LARP1: variants seen among roughly 807,000 people sequenced by gnomAD.
LARP1 encodes La ribonucleoprotein 1, translational regulator.
A neutral mutation model predicts 122.7 loss-of-function variants in LARP1; 36 were observed. The observed-to-expected ratio is 0.29, with a 90% CI of 0.22 to 0.39. The LOEUF (loss-of-function observed/expected upper bound fraction) is 0.39. LARP1 is among the 10% of genes least tolerant of loss of function. LARP1 has a pLI of 1.00. For missense variants in LARP1, 1,040 were observed against 1,403.6 expected, an observed-to-expected ratio of 0.74 and a Z score of 4.14; for synonymous variants, 539 against 528.7, an observed-to-expected ratio of 1.02 and a Z score of -0.27.
At chr5:154,774,909 AG>A (rs1395078452) in intron 1 of LARP1, among the ~76,000 whole-genome samples, 7 of 152,196 alleles carry the variant, frequency 4.6e-5, no homozygotes, top group Admixed American at 3.3e-4. Flanking sequence ...TAGGATTTGT[AG>A]GCTTTGTTTC....
At chr5:154,760,756 CA>C (rs974290069) in intron 1 of LARP1, among the ~76,000 whole-genome samples, 17 of 152,184 alleles carry the variant, frequency 1.1e-4, no homozygotes, top group African/African-American at 3.9e-4. Context: ...TTCTACAAGA[CA>C]CACTATTTCC....
chr5:154,715,470 C>T (rs1229557107), intron 1 of LARP1, among the ~76,000 whole-genome samples: 4 of 151,866 alleles, frequency 2.6e-5, no homozygotes, highest in Non-Finnish European at 2.9e-5. Flanking sequence ...CTTGAACTCC[C>T]GACCTCAGGT....
upstream of LARP1, chr5:154,712,775 C>T (rs563302139): frequency 6.1e-6 from 4 of 651,968 alleles, no homozygotes; most frequent in Middle Eastern, 4.1e-4. Context: ...CAATGAGCTG[C>T]CGTCGCTCTC....
At chr5:154,716,323 G>A (rs1755504745) in intron 1 of LARP1, among the ~76,000 whole-genome samples, 1 of 152,120 alleles carries the variant, frequency 6.6e-6, no homozygotes, top group Non-Finnish European at 1.5e-5. Context: ...GTTTTGCCGT[G>A]TTGGCCAGGC....
At position 154,799,907 on chromosome 5, in the gene LARP1, A is replaced by G; in HGVS notation, c.1581A>G (p.Pro527=). 5.6e-6 allele frequency: 9 copies of G among 1,614,188 alleles called. No individual in the cohort carries two copies. Among genetic ancestry groups the G allele is most frequent in the Non-Finnish European group, 7.6e-6 (9 of 1,180,012 alleles). The change falls in exon 10 of 19, where the codon CCA becomes CCG. Residue 527 remains proline, a synonymous_variant. Transcript: ENST00000518297. ...CTGGCTCTCCTCGTGCAGTCACCCC[A>G]GTGCCAACCAAAACAGAGGAGGTCA... is the stretch of plus-strand genomic sequence containing the variant. The part of the protein sequence containing the change: ...SAPGSPRAVT[P]VPTKTEEVSN...
At chr5:154,711,089 G>A (rs1198986182), upstream of LARP1, among the ~76,000 whole-genome samples, 1 of 151,590 alleles carries the variant, frequency 6.6e-6, no homozygotes, top group Non-Finnish European at 1.5e-5. Flanking sequence ...CTGGAATTTT[G>A]AAGACTACTA....
intron 1 of LARP1, chr5:154,718,577 C>T (rs1755657348): frequency 6.6e-6 from 1 of 152,258 alleles, no homozygotes; most frequent in East Asian, 1.9e-4. Flanking sequence ...AAACTTAATA[C>T]AGACACCTGA....
chr5:154,723,795 C>T (rs772505892), intron 1 of LARP1, among the ~76,000 whole-genome samples: 15 of 152,164 alleles, frequency 9.9e-5, no homozygotes, highest in Admixed American at 8.5e-4. Flanking sequence ...TATTTGGATT[C>T]TGTGCTCTTA....
intron 1 of LARP1, among the ~76,000 whole-genome samples, chr5:154,691,569 G>A (rs1043089768): frequency 6.6e-6 from 1 of 152,308 alleles, no homozygotes; most frequent in East Asian, 1.9e-4. Flanking sequence ...TCGTTGAAAA[G>A]GCTCCGGGAT....
At chr5:154,735,834 G>A (rs1408522751) in intron 1 of LARP1, among the ~76,000 whole-genome samples, 2 of 151,858 alleles carry the variant, frequency 1.3e-5, no homozygotes, top group Non-Finnish European at 2.9e-5. Context: ...GCCTCCTAAA[G>A]TGCTGGGATT....
At chr5:154,749,355 A>G (rs1045221265) in intron 1 of LARP1, among the ~76,000 whole-genome samples, 5 of 152,154 alleles carry the variant, frequency 3.3e-5, no homozygotes, top group African/African-American at 1.2e-4. Flanking sequence ...TGAGTGTGTT[A>G]AAAGTTATTT....
chr5:154,808,685 G>A (rs1051522172), intron 16 of LARP1, 82 bp downstream of exon 16: 9 of 1,434,118 alleles, frequency 6.3e-6, no homozygotes, highest in South Asian at 1.4e-5. Flanking sequence ...CAGAACTGTA[G>A]TTGGAAATTC....
intron 1 of LARP1, chr5:154,786,405 G>C (rs986221434): frequency 8.8e-6 from 4 of 453,488 alleles, no homozygotes; most frequent in Non-Finnish European, 8.9e-6. Flanking sequence ...CCTGGAACTA[G>C]AATTACCAGA....
At chr5:154,796,456 C>T (rs1173592519) in intron 8 of LARP1, among the ~76,000 whole-genome samples, 1 of 151,880 alleles carries the variant, frequency 6.6e-6, no homozygotes, top group African/African-American at 2.4e-5. Flanking sequence ...GTTGTACATC[C>T]TGTAGGATTT....
chr5:154,779,043 T>G (rs1246098840), intron 1 of LARP1, among the ~76,000 whole-genome samples: 3 of 152,132 alleles, frequency 2.0e-5, no homozygotes, highest in South Asian at 2.1e-4. Context: ...CACCTTTTTT[T>G]GGGCACCAGT....
chr5:154,712,083 T>G (rs1421058899), upstream of LARP1, among the ~76,000 whole-genome samples: 1 of 152,254 alleles, frequency 6.6e-6, no homozygotes, highest in Non-Finnish European at 1.5e-5. Flanking sequence ...TTGACTTTCT[T>G]GTTCATTGAT....
intron 1 of LARP1, among the ~76,000 whole-genome samples, chr5:154,745,219 C>T (rs1753128808): frequency 6.6e-6 from 1 of 152,236 alleles, no homozygotes; most frequent in South Asian, 2.1e-4. Flanking sequence ...AGCCACCGCG[C>T]CTGGCCTTTT....
chr5:154,699,217 T>C (rs1416049616), intron 1 of LARP1, among the ~76,000 whole-genome samples: 3 of 152,252 alleles, frequency 2.0e-5, no homozygotes, highest in South Asian at 2.1e-4. Context: ...CCTGAGGTTC[T>C]GTGGGAATAA....
intron 1 of LARP1, among the ~76,000 whole-genome samples, chr5:154,776,991 A>T (rs1755945331): frequency 6.6e-6 from 1 of 152,250 alleles, no homozygotes; most frequent in African/African-American, 2.4e-5. Flanking sequence ...CGTGTCACTT[A>T]ACAGGGATAC....
Sources: gnomAD v4.1 joint callset for allele counts (sites outside exome capture counted in the v4.1 genomes callset) on GRCh38, gnomAD v4.1.1 for gene constraint, MANE v1.5 for transcripts, NCBI Gene and HGNC (gene_info 2026-07-23, HGNC 2026-07-21) for gene names.